Variants in BCL11A observed in about 807,000 individuals in gnomAD.
The protein encoded by BCL11A is B cell CLL/lymphoma 11A.
BCL11A carries 2 observed loss-of-function variants against 55.9 expected under a neutral mutation model. That is an observed-to-expected ratio of 0.04 (90% CI 0.01 to 0.11). The LOEUF (loss-of-function observed/expected upper bound fraction) is 0.11. Among genes scored for constraint, BCL11A ranks in the 10% least tolerant of loss-of-function variants. The pLI is 1.00. For synonymous variants in BCL11A, 465 were observed against 473.4 expected (o/e 0.98, Z 0.23); for missense variants, 817 against 1,137.1 (o/e 0.72, Z 4.05).
intron 1 of BCL11A, chr2:60,550,898 C>T: frequency 5.0e-6 from 2 of 397,638 alleles, no homozygotes; most frequent in Non-Finnish European, 8.9e-6. Flanking sequence ...CACCGCCGCG[C>T]GCCGCGTCTG....
At position 60,461,240 on chromosome 2, in the gene BCL11A, A is replaced by G. The variant is rs1676254579; in HGVS notation, c.1672T>C (p.Phe558Leu). ...AGGACCTGGTGGAAGGCCTCGCTGA[A>G]GTGCTGCATGGAGCTGAGCACCATG... Reference protein sequence around the residue: ...QGMVLSSMQHFSEAFHQVLGE... With the variant: ...QGMVLSSMQHLSEAFHQVLGE... Residue 558 changes from phenylalanine (F) to leucine (L), a missense_variant, in exon 4 of 4, where the codon TTC becomes CTC. By Grantham distance (22) the Phe-to-Leu change is conservative. Around this residue, in one of 4 missense-constraint regions of BCL11A, gnomAD observed 379 missense variants for 425.3 expected, o/e 0.89. Coordinates refer to ENST00000642384, the MANE Select transcript of BCL11A (RefSeq NM_022893.4). 6.2e-7 allele frequency: 1 copy of G among 1,607,746 alleles called. No homozygotes were observed. The highest frequency in any genetic ancestry group is 8.5e-7 in the Non-Finnish European group (1 of 1,178,454).
At chr2:60,523,867 T>G (rs1359944706) in intron 2 of BCL11A, among the ~76,000 whole-genome samples, 5 of 152,196 alleles carry the variant, frequency 3.3e-5, no homozygotes, top group African/African-American at 1.2e-4. Flanking sequence ...TTGACCAAGG[T>G]TTAAGCAGTA....
chr2:60,552,606 C>G (rs1670461913), intron 1 of BCL11A, among the ~76,000 whole-genome samples: 2 of 152,206 alleles, frequency 1.3e-5, no homozygotes, highest in Non-Finnish European at 1.5e-5. Flanking sequence ...GACTCAGGAG[C>G]GCCGGGGGCC....
At chr2:60,500,407 T>C (rs1024936798) in intron 2 of BCL11A, among the ~76,000 whole-genome samples, 1 of 152,186 alleles carries the variant, frequency 6.6e-6, no homozygotes, top group African/African-American at 2.4e-5. Context: ...AGATGTGCCT[T>C]CAGAGAAGGG....
chr2:60,505,736 G>A (rs375862010), intron 2 of BCL11A, among the ~76,000 whole-genome samples: 3 of 152,330 alleles, frequency 2.0e-5, no homozygotes, highest in South Asian at 2.1e-4. Context: ...ACTCTGTGAC[G>A]GAGGGTGGGT....
chr2:60,531,611 T>C (rs972713570), intron 2 of BCL11A, among the ~76,000 whole-genome samples: 1 of 152,208 alleles, frequency 6.6e-6, no homozygotes, highest in South Asian at 2.1e-4. Context: ...CAATGAAACT[T>C]GCTCCATACA....
At position 60,460,330 on chromosome 2, in the gene BCL11A, G is replaced by C; in HGVS notation, c.*74C>G. ...AAAAAATCCTACAGGGAGTGGGGCT[G>C]GAGGGCGATGGGGAAGGGGAGTGGT... On this transcript the variant is annotated 3_prime_UTR_variant, in exon 4 of 4. Coordinates refer to ENST00000642384, the MANE Select transcript of BCL11A (RefSeq NM_022893.4). 1 of 1,528,044 alleles carries C rather than the reference G, an allele frequency of 6.5e-7. No individual in the cohort carries two copies. The allele number at this position is 1,528,044 out of a possible 1,614,324, so 94.7% of individuals were successfully genotyped here.
chr2:60,483,159 C>T (rs900641476), intron 2 of BCL11A, among the ~76,000 whole-genome samples: 8 of 152,190 alleles, frequency 5.3e-5, no homozygotes, highest in Non-Finnish European at 2.9e-5. Context: ...AGAATCAACA[C>T]AGGCGAGAGA....
intron 2 of BCL11A, among the ~76,000 whole-genome samples, chr2:60,520,250 C>T (rs768099496): frequency 1.3e-5 from 2 of 152,046 alleles, no homozygotes; most frequent in Non-Finnish European, 2.9e-5. Context: ...ATGGGTTCCT[C>T]TTTAATTTTC....
intron 2 of BCL11A, chr2:60,528,572 A>T (rs910798099): frequency 2.6e-5 from 4 of 152,246 alleles, no homozygotes; most frequent in African/African-American, 9.7e-5. Context: ...ACAACTGTCC[A>T]GCACCAGAGC....
At chr2:60,454,294 G>A (rs1458150818), downstream of BCL11A, among the ~76,000 whole-genome samples, 2 of 152,152 alleles carry the variant, frequency 1.3e-5, no homozygotes, top group African/African-American at 4.8e-5. Flanking sequence ...TTTCTATTGG[G>A]AAATATGCAG....
At chr2:60,467,156 G>GTGGTGGTGTTGGTGGTGA (rs1676699655) in intron 3 of BCL11A, among the ~76,000 whole-genome samples, 1 of 134,466 alleles carries the variant, frequency 7.4e-6, no homozygotes, top group Non-Finnish European at 1.5e-5. Context: ...GATGGTGGTG[G>GTGGTGGTGTTGGTGGTGA]TGGTGGTGGT....
At chr2:60,533,251 G>C (rs976080393) in intron 2 of BCL11A, 2 of 152,316 alleles carry the variant, frequency 1.3e-5, no homozygotes, top group East Asian at 3.9e-4. Context: ...AAAACTCCTG[G>C]ATAGACTGAA....
chr2:60,521,217 A>G (rs1668976623), intron 2 of BCL11A, among the ~76,000 whole-genome samples: 1 of 152,202 alleles, frequency 6.6e-6, no homozygotes, highest in Non-Finnish European at 1.5e-5. Flanking sequence ...CTAAAATTTA[A>G]TTTAATCTGC....
chr2:60,509,807 T>C (rs1386896374), intron 2 of BCL11A, among the ~76,000 whole-genome samples: 2 of 152,106 alleles, frequency 1.3e-5, no homozygotes, highest in Non-Finnish European at 2.9e-5. Context: ...ACGATCTTCC[T>C]GAACAGGGCA....
At chr2:60,553,161 C>G in intron 1 of BCL11A, 55 bp downstream of exon 1, 1 of 1,546,138 alleles carries the variant, frequency 6.5e-7, no homozygotes, top group Non-Finnish European at 8.7e-7. Context: ...TGCTTCTAGT[C>G]CTGCGCGCTC....
intron 2 of BCL11A, among the ~76,000 whole-genome samples, chr2:60,480,001 A>C (rs1377137657): frequency 6.6e-6 from 1 of 152,210 alleles, no homozygotes; most frequent in Admixed American, 6.5e-5. Flanking sequence ...GCTTTTGTTA[A>C]ATCATACTTT....
intron 3 of BCL11A, among the ~76,000 whole-genome samples, chr2:60,468,111 CAGTGGTGGTTGTGGTGG>C: frequency 5.1e-5 from 1 of 19,456 alleles, no homozygotes; most frequent in South Asian, 2.4e-3. Context: ...GTGATGGTGG[CAGTGGTGGTTGTGGTGG>C]TGGTGGTGAT....
chr2:60,539,017 C>A (rs1414379005), intron 2 of BCL11A, among the ~76,000 whole-genome samples: 3 of 152,070 alleles, frequency 2.0e-5, no homozygotes, highest in African/African-American at 7.3e-5. Flanking sequence ...GAGACAACTC[C>A]AAGAGAAGAA....
Sources: gnomAD v4.1 joint callset for allele counts (sites outside exome capture counted in the v4.1 genomes callset) on GRCh38, gnomAD v4.1.1 for gene constraint, gnomAD v4.1.1 regional missense constraint, MANE v1.5 for transcripts, NCBI Gene and HGNC (gene_info 2026-07-23, HGNC 2026-07-21) for gene names.